Variants in CPNE4 observed in about 807,000 individuals in gnomAD.
CPNE4 encodes copine-4.
Under a neutral mutation model 67.9 loss-of-function variants are expected in CPNE4, and 25 were observed. The ratio of observed to expected loss-of-function variants is 0.37; its 90% CI spans 0.27 to 0.51. CPNE4 has a LOEUF of 0.51. Among genes scored for constraint, CPNE4 ranks in the 20% least tolerant of loss-of-function variants. The pLI, the probability that CPNE4 is intolerant of heterozygous loss-of-function variation, is 0.93. For missense variants in CPNE4, 464 were observed against 690.8 expected, an observed-to-expected ratio of 0.67 and a Z score of 3.68; for synonymous variants, 242 against 244.9, an observed-to-expected ratio of 0.99 and a Z score of 0.11.
intron 1 of CPNE4, among the ~76,000 whole-genome samples, chr3:131,965,704 G>C (rs1167295314): frequency 6.6e-6 from 1 of 152,148 alleles, no homozygotes; most frequent in Non-Finnish European, 1.5e-5. Context: ...ACCCAATACA[G>C]GGGCACCCAG....
At chr3:131,550,865 G>A (rs1936135384) in intron 13 of CPNE4, among the ~76,000 whole-genome samples, 1 of 152,024 alleles carries the variant, frequency 6.6e-6, no homozygotes. Context: ...GAAAAGGATG[G>A]GACTCTGCCA....
chr3:131,995,892 G>A (rs1486027646), intron 1 of CPNE4, among the ~76,000 whole-genome samples: 5 of 152,062 alleles, frequency 3.3e-5, no homozygotes, highest in Non-Finnish European at 7.3e-5. Flanking sequence ...GAAGAGCTCC[G>A]AACTTGCAGT....
chr3:131,915,948 C>T (rs1023821354), intron 1 of CPNE4, among the ~76,000 whole-genome samples: 2 of 152,182 alleles, frequency 1.3e-5, no homozygotes, highest in African/African-American at 2.4e-5. Flanking sequence ...TGTTTCCCAT[C>T]TTCAGGAGAA....
chr3:131,620,553 T>C (rs893343855), intron 7 of CPNE4: 11 of 666,934 alleles, frequency 1.6e-5, no homozygotes, highest in Non-Finnish European at 2.0e-5. Context: ...CCCTGGGACC[T>C]GTGGATATGT....
In CPNE4 at chr3:131,554,312, T is replaced by G. The variant is rs138031186; in HGVS notation, c.1116+1185A>C. On this transcript the variant is annotated intron_variant, in intron 12 of 15. Transcript: ENST00000429747. ...TCTTAGTGTTGCCAGGCCTTTCAGG[T>G]TTTCAAGAGAAACCAGAAATCTGAC... 1.0e-3 allele frequency among the ~76,000 whole-genome samples: 155 copies of G among 152,144 alleles called. 2 individuals are homozygous for G. Among genetic ancestry groups the G allele is most frequent in the African/African-American group, 3.5e-3 (147 of 41,532 alleles).
At chr3:131,893,904 T>C (rs377296986) in intron 2 of CPNE4, among the ~76,000 whole-genome samples, 1 of 151,456 alleles carries the variant, frequency 6.6e-6, no homozygotes, top group Non-Finnish European at 1.5e-5. Context: ...TCAAGAAACT[T>C]AGAGAAACAA....
chr3:132,012,989 G>A (rs1363351835), intron 1 of CPNE4, among the ~76,000 whole-genome samples: 4 of 152,212 alleles, frequency 2.6e-5, no homozygotes, highest in African/African-American at 9.6e-5. Flanking sequence ...TTGGGAGGCT[G>A]AGGCGGGTGG....
intron 2 of CPNE4, among the ~76,000 whole-genome samples, chr3:131,837,126 T>C (rs2085589010): frequency 6.6e-6 from 1 of 152,124 alleles, no homozygotes; most frequent in Non-Finnish European, 1.5e-5. Context: ...GTACTGTTGG[T>C]GGGAATGTAA....
intron 1 of CPNE4, among the ~76,000 whole-genome samples, chr3:132,021,686 T>C (rs985743912): frequency 2.8e-5 from 4 of 141,832 alleles, no homozygotes; most frequent in African/African-American, 1.0e-4. Context: ...TGGATCTCAT[T>C]TGACAATGAC....
intron 3 of CPNE4, among the ~76,000 whole-genome samples, chr3:131,705,643 G>A (rs2081397507): frequency 6.6e-6 from 1 of 152,136 alleles, no homozygotes; most frequent in Non-Finnish European, 1.5e-5. Context: ...CCCCAGTGGA[G>A]ACCTACAAAA....
At chr3:131,796,483 T>C (rs1336879472) in intron 2 of CPNE4, among the ~76,000 whole-genome samples, 1 of 151,922 alleles carries the variant, frequency 6.6e-6, no homozygotes, top group Non-Finnish European at 1.5e-5. Flanking sequence ...AGAGGACATG[T>C]TGTATAAGTC....
intron 1 of CPNE4, among the ~76,000 whole-genome samples, chr3:131,972,477 G>C (rs1165460478): frequency 6.6e-6 from 1 of 152,158 alleles, no homozygotes; most frequent in African/African-American, 2.4e-5. Flanking sequence ...TGGGAACATG[G>C]AATTCTGGTC....
At chr3:131,755,638 G>C (rs1297406392) in intron 2 of CPNE4, among the ~76,000 whole-genome samples, 1 of 152,102 alleles carries the variant, frequency 6.6e-6, no homozygotes, top group Non-Finnish European at 1.5e-5. Flanking sequence ...GAGTTTGACA[G>C]GTTTCTTAAT....
At chr3:132,001,907 T>A (rs895249846) in intron 1 of CPNE4, among the ~76,000 whole-genome samples, 3 of 152,106 alleles carry the variant, frequency 2.0e-5, no homozygotes, top group Admixed American at 2.0e-4. Flanking sequence ...ACAACAAAAT[T>A]TCTTTTCCAA....
chr3:131,862,276 C>T (rs1325836702), intron 2 of CPNE4, among the ~76,000 whole-genome samples: 1 of 152,126 alleles, frequency 6.6e-6, no homozygotes, highest in African/African-American at 2.4e-5. Flanking sequence ...TTTCCTGGTA[C>T]AAAATTCTCA....
intron 1 of CPNE4, among the ~76,000 whole-genome samples, chr3:132,021,463 G>A (rs1214966946): frequency 1.3e-5 from 2 of 152,194 alleles, no homozygotes; most frequent in Non-Finnish European, 2.9e-5. Flanking sequence ...TGCTCCAAAT[G>A]CAGGGGTTGT....
At chr3:131,741,019 T>C (rs776673826) in intron 2 of CPNE4, among the ~76,000 whole-genome samples, 13 of 152,200 alleles carry the variant, frequency 8.5e-5, no homozygotes, top group African/African-American at 2.2e-4. Context: ...GATCCGTACT[T>C]AAATGTCTTC....
At chr3:131,899,081 G>C (rs765310583) in intron 2 of CPNE4, among the ~76,000 whole-genome samples, 21 of 152,032 alleles carry the variant, frequency 1.4e-4, no homozygotes, top group Non-Finnish European at 2.5e-4. Flanking sequence ...TATCCAGAGG[G>C]AATGTTTTAA....
chr3:131,922,772 AGAG>A (rs1202539452), intron 1 of CPNE4, among the ~76,000 whole-genome samples: 1 of 152,218 alleles, frequency 6.6e-6, no homozygotes, highest in African/African-American at 2.4e-5. Context: ...TGTGAGAATT[AGAG>A]GAGAGAATAG....
Sources: allele counts gnomAD v4.1 joint callset (sites outside exome capture counted in the v4.1 genomes callset), GRCh38; gene constraint gnomAD v4.1.1; transcripts MANE v1.5; gene names NCBI Gene and HGNC (gene_info 2026-07-23, HGNC 2026-07-21).